Variants in NAALADL2 observed in about 807,000 individuals in gnomAD.
The protein encoded by NAALADL2 is inactive N-acetylated-alpha-linked acidic dipeptidase-like protein 2.
A neutral mutation model predicts 87.2 loss-of-function variants in NAALADL2; 76 were observed. The ratio of observed to expected loss-of-function variants is 0.87; its 90% CI spans 0.72 to 1.05. The LOEUF is 1.05. NAALADL2 is among the 50% of genes least tolerant of loss of function. The pLI is 0.00. For missense variants in NAALADL2, 1,089 were observed against 945.8 expected (o/e 1.15, Z -1.99); for synonymous variants, 354 against 331.0 (o/e 1.07, Z -0.75).
rs1239931583 is a variant in NAALADL2, at chr3:175,797,475, T to C, written c.2190-5530T>C. ...CTTTTCTAAATTGGACTAAAGCAGGTGTATTGAAGAGCAGGAATGATTCAC... is the reference window on the plus strand; with the variant it reads ...CTTTTCTAAATTGGACTAAAGCAGGCGTATTGAAGAGCAGGAATGATTCAC... On this transcript the variant is annotated intron_variant, in intron 13 of 13. Coordinates refer to ENST00000454872, the MANE Select transcript of NAALADL2 (RefSeq NM_207015.3). Among the ~76,000 whole-genome samples the C allele has an allele frequency of 3.9e-5, 6 of 152,120 alleles. 1 individual carries two copies. The highest frequency in any genetic ancestry group is 3.9e-4 in the Admixed American group (6 of 15,274).
intron 2 of NAALADL2, among the ~76,000 whole-genome samples, chr3:175,121,467 G>A (rs900576224): frequency 2.0e-5 from 3 of 151,926 alleles, no homozygotes; most frequent in African/African-American, 7.2e-5. Context: ...CCTCTGGACA[G>A]GTAAGATACA....
chr3:174,472,166 A>G (rs1716945161), intron 1 of NAALADL2, among the ~76,000 whole-genome samples: 1 of 152,224 alleles, frequency 6.6e-6, no homozygotes, highest in African/African-American at 2.4e-5. Context: ...CTGAGGAGTT[A>G]TAATTATTCA....
At chr3:174,481,814 AG>A (rs2108330969) in intron 1 of NAALADL2, among the ~76,000 whole-genome samples, 1 of 152,196 alleles carries the variant, frequency 6.6e-6, no homozygotes, top group East Asian at 1.9e-4. Flanking sequence ...TTTTGACAAT[AG>A]AGGTGAAATG....
At chr3:174,962,918 A>G (rs1034529673) in intron 1 of NAALADL2, among the ~76,000 whole-genome samples, 2 of 152,082 alleles carry the variant, frequency 1.3e-5, no homozygotes, top group African/African-American at 2.4e-5. Flanking sequence ...ACCTACACAT[A>G]TCTTCCTGTA....
At chr3:174,728,608 T>C (rs1004649137) in intron 2 of NAALADL2, among the ~76,000 whole-genome samples, 9 of 152,012 alleles carry the variant, frequency 5.9e-5, no homozygotes, top group Non-Finnish European at 1.2e-4. Context: ...GTTACTTGAT[T>C]TTTAGTCCTC....
rs373815608 is a variant in NAALADL2, at chr3:175,448,723, T to G, written c.1234+1351T>G. ...TGTGTTATATGTTATGTTATATATT[T>G]TTTGAGACAAAGTCTTGCTCTGTCA... On this transcript the variant is annotated intron_variant, in intron 6 of 13. Coordinates refer to ENST00000454872, the MANE Select transcript of NAALADL2 (RefSeq NM_207015.3). Among the ~76,000 whole-genome samples, 6 of 152,244 alleles carry G rather than the reference T, an allele frequency of 3.9e-5. No homozygotes were observed. In the East Asian group the frequency reaches 1.2e-3, roughly 29 times the overall value.
intron 2 of NAALADL2, among the ~76,000 whole-genome samples, chr3:174,657,709 A>G (rs1725112749): frequency 6.6e-6 from 1 of 152,148 alleles, no homozygotes. Flanking sequence ...TTATAATATC[A>G]TGTATCCAAC....
chr3:175,791,170 CTATA>C (rs1427422346), intron 13 of NAALADL2, among the ~76,000 whole-genome samples: 1 of 152,138 alleles, frequency 6.6e-6, no homozygotes. Context: ...GAAAAATGTG[CTATA>C]TAGCGGGGCA....
chr3:174,691,642 C>A (rs1728593947), intron 2 of NAALADL2, among the ~76,000 whole-genome samples: 1 of 152,132 alleles, frequency 6.6e-6, no homozygotes, highest in Admixed American at 6.5e-5. Flanking sequence ...CTTCCTTTTA[C>A]AAAAGATTTC....
At chr3:174,595,097 CTCA>C (rs1210460931) in intron 2 of NAALADL2, among the ~76,000 whole-genome samples, 1 of 152,072 alleles carries the variant, frequency 6.6e-6, no homozygotes, top group Non-Finnish European at 1.5e-5. Flanking sequence ...CATAAAAACA[CTCA>C]TCATGGCCAT....
intron 2 of NAALADL2, among the ~76,000 whole-genome samples, chr3:174,699,917 T>C (rs1344832470): frequency 2.6e-5 from 4 of 151,686 alleles, no homozygotes; most frequent in African/African-American, 9.7e-5. Context: ...GGGAAACTTA[T>C]TCCCCTTTTA....
chr3:175,159,982 G>A (rs1411197256), intron 2 of NAALADL2, among the ~76,000 whole-genome samples: 2 of 144,224 alleles, frequency 1.4e-5, no homozygotes, highest in Non-Finnish European at 3.0e-5. Context: ...GATTACAGGC[G>A]TGTGCTACCA....
intron 1 of NAALADL2, among the ~76,000 whole-genome samples, chr3:174,449,645 G>C (rs977573005): frequency 3.9e-5 from 6 of 152,038 alleles, no homozygotes; most frequent in African/African-American, 1.4e-4. Context: ...GATATCTTTA[G>C]GTTTATTTAT....
chr3:174,718,317 A>G (rs1337851690), intron 2 of NAALADL2, among the ~76,000 whole-genome samples: 3 of 152,192 alleles, frequency 2.0e-5, no homozygotes, highest in Admixed American at 6.5e-5. Context: ...CCTTGATTGA[A>G]GACCATTCTG....
chr3:175,140,142 C>T (rs1729771332), intron 2 of NAALADL2, among the ~76,000 whole-genome samples: 2 of 152,116 alleles, frequency 1.3e-5, no homozygotes, highest in Non-Finnish European at 2.9e-5. Context: ...CTAAAGCCCT[C>T]CGTGCCTAGT....
chr3:174,849,653 T>G (rs1183660373), intron 3 of NAALADL2, among the ~76,000 whole-genome samples: 3 of 147,290 alleles, frequency 2.0e-5, no homozygotes, highest in Non-Finnish European at 4.4e-5. Flanking sequence ...GAGAATTGCT[T>G]GAATCTGGGA....
At chr3:175,133,863 A>G (rs1263303720) in intron 2 of NAALADL2, among the ~76,000 whole-genome samples, 1 of 152,234 alleles carries the variant, frequency 6.6e-6, no homozygotes, top group Non-Finnish European at 1.5e-5. Flanking sequence ...GCAACATTCA[A>G]AATGAACATT....
chr3:175,645,202 A>ATAAGAAACTAC (rs1443256194), intron 11 of NAALADL2, among the ~76,000 whole-genome samples: 1 of 152,064 alleles, frequency 6.6e-6, no homozygotes, highest in Non-Finnish European at 1.5e-5. Context: ...AATGAACAGG[A>ATAAGAAACTAC]TAAGAAACTA....
intron 2 of NAALADL2, among the ~76,000 whole-genome samples, chr3:174,623,091 C>A (rs1307740923): frequency 1.3e-5 from 2 of 152,132 alleles, no homozygotes; most frequent in African/African-American, 4.8e-5. Flanking sequence ...TCCCTAGGGG[C>A]ACTTCATATG....
Sources: allele counts gnomAD v4.1 joint callset (sites outside exome capture counted in the v4.1 genomes callset), GRCh38; gene constraint gnomAD v4.1.1; transcripts MANE v1.5; gene names NCBI Gene and HGNC (gene_info 2026-07-23, HGNC 2026-07-21).